ZC4H2: variants seen among roughly 807,000 people sequenced by gnomAD.
The protein encoded by ZC4H2 is zinc finger C4H2 domain-containing protein.
For synonymous variants in ZC4H2, 84 were observed against 66.3 expected (o/e 1.27, Z -1.30); for missense variants, 137 against 173.9 (o/e 0.79, Z 1.19).
intron 1 of ZC4H2, among the ~76,000 whole-genome samples, chrX:64,995,651 C>T (rs1013127242): frequency 1.1e-4 from 12 of 112,518 alleles, no homozygotes; most frequent in Non-Finnish European, 2.1e-4. Context: ...TGAGCCACCA[C>T]ATCAGGCCTT....
intron 1 of ZC4H2, among the ~76,000 whole-genome samples, chrX:64,996,890 GA>G (rs780900790): frequency 2.7e-5 from 3 of 111,027 alleles, no homozygotes; most frequent in Non-Finnish European, 5.7e-5. Context: ...GGGAATCCTA[GA>G]ACGAAAAAAG....
chrX:65,012,238 A>AG (rs1279829787), intron 1 of ZC4H2, among the ~76,000 whole-genome samples: 1 of 106,144 alleles, frequency 9.4e-6, no homozygotes, highest in Non-Finnish European at 1.9e-5. Context: ...AAAAAAAAAA[A>AG]AAAAAAAAGA....
chrX:64,953,672 G>A (rs1311343858), intron 1 of ZC4H2, among the ~76,000 whole-genome samples: 2 of 111,691 alleles, frequency 1.8e-5, no homozygotes, highest in African/African-American at 3.3e-5. Flanking sequence ...GGAACAAAGG[G>A]TGCTGGAGAG....
chrX:64,968,157 C>A (rs1931653372), intron 1 of ZC4H2, among the ~76,000 whole-genome samples: 1 of 111,780 alleles, frequency 8.9e-6, no homozygotes, highest in African/African-American at 3.3e-5. Context: ...CTACTATGTT[C>A]CAGCAACTGT....
intron 1 of ZC4H2, among the ~76,000 whole-genome samples, chrX:64,983,959 G>T (rs1016704841): frequency 7.2e-5 from 8 of 111,175 alleles, no homozygotes; most frequent in Non-Finnish European, 1.5e-4. Flanking sequence ...TTTTAGATTT[G>T]GGGGTACATG....
upstream of ZC4H2, among the ~76,000 whole-genome samples, chrX:64,978,048 ACTCT>A (rs1200085075): frequency 3.6e-5 from 4 of 110,597 alleles, no homozygotes; most frequent in Admixed American, 9.6e-5. Context: ...GTGAGTCAGA[ACTCT>A]CTCTGAGTTT....
chrX:64,923,516 C>T (rs1452445258), intron 1 of ZC4H2, among the ~76,000 whole-genome samples: 1 of 109,948 alleles, frequency 9.1e-6, no homozygotes, highest in African/African-American at 3.3e-5. Context: ...TGGCTTCTGC[C>T]ATCAGCCTGC....
At chrX:64,938,142 G>T (rs1602397356) in intron 1 of ZC4H2, among the ~76,000 whole-genome samples, 1 of 112,084 alleles carries the variant, frequency 8.9e-6, no homozygotes, top group East Asian at 2.8e-4. Flanking sequence ...TATCATCAGA[G>T]AATACTATGA....
At chrX:64,957,178 G>A (rs937320156) in intron 1 of ZC4H2, among the ~76,000 whole-genome samples, 2 of 112,105 alleles carry the variant, frequency 1.8e-5, no homozygotes, top group African/African-American at 6.5e-5. Flanking sequence ...CACTGCTGAG[G>A]GTTCAAACTG....
chrX:64,987,729 A>T (rs1932218478), intron 1 of ZC4H2, among the ~76,000 whole-genome samples: 1 of 109,234 alleles, frequency 9.2e-6, no homozygotes, highest in African/African-American at 3.3e-5. Flanking sequence ...TCACCTCTGA[A>T]TTCTTTTTTT....
intron 1 of ZC4H2, among the ~76,000 whole-genome samples, chrX:64,993,329 G>C (rs1383078411): frequency 9.0e-6 from 1 of 111,561 alleles, no homozygotes. Context: ...TGTGTTGTCT[G>C]ATTTATTGAT....
chrX:64,920,974 G>T (rs1258444483), intron 2 of ZC4H2, among the ~76,000 whole-genome samples: 1 of 111,949 alleles, frequency 8.9e-6, no homozygotes, highest in East Asian at 2.8e-4. Context: ...CTGTATCATT[G>T]GTTAGCTGGC....
chrX:64,924,678 T>C (rs1173541104), intron 1 of ZC4H2, among the ~76,000 whole-genome samples: 1 of 111,374 alleles, frequency 9.0e-6, no homozygotes, highest in African/African-American at 3.3e-5. Flanking sequence ...AGTTCGCTGG[T>C]GAGTGCAGGT....
chrX:64,974,973 CAAAAA>C (rs58569761), intron 1 of ZC4H2, among the ~76,000 whole-genome samples: 3 of 35,862 alleles, frequency 8.4e-5, no homozygotes, highest in African/African-American at 1.5e-4. Context: ...ATGCTTTTGC[CAAAAA>C]AAAAAAAAAA....
At chrX:64,930,955 G>A (rs5964883) in intron 1 of ZC4H2, among the ~76,000 whole-genome samples, 15,709 of 111,525 alleles carry the variant, frequency 0.14, 2,646 homozygotes, top group African/African-American at 0.48. Context: ...TTATTTGAAT[G>A]TCTGATAGAA....
intron 1 of ZC4H2, among the ~76,000 whole-genome samples, chrX:65,019,874 G>T (rs1251927655): frequency 8.9e-6 from 1 of 111,956 alleles, no homozygotes; most frequent in Non-Finnish European, 1.9e-5. Context: ...CACAGCACAA[G>T]AACTTCATGA....
At chrX:64,975,267 C>G (rs1368366914) in intron 1 of ZC4H2, among the ~76,000 whole-genome samples, 1 of 111,027 alleles carries the variant, frequency 9.0e-6, no homozygotes, top group East Asian at 2.9e-4. Flanking sequence ...CTTCCTTTAC[C>G]TCTCCTGTAG....
chrX:64,954,622 T>C (rs1459617374), intron 1 of ZC4H2, among the ~76,000 whole-genome samples: 1 of 106,252 alleles, frequency 9.4e-6, no homozygotes, highest in Non-Finnish European at 1.9e-5. Flanking sequence ...TCCTAGAATA[T>C]GGTGTCTTTT....
intron 1 of ZC4H2, among the ~76,000 whole-genome samples, chrX:64,974,431 T>A (rs918804193): frequency 2.7e-5 from 3 of 112,269 alleles, no homozygotes; most frequent in Admixed American, 9.4e-5. Flanking sequence ...AGTATTGGCA[T>A]CTGTTTATTT....
Sources: gnomAD v4.1 joint callset for allele counts (sites outside exome capture counted in the v4.1 genomes callset) on GRCh38, gnomAD v4.1.1 for gene constraint, MANE v1.5 for transcripts, NCBI Gene and HGNC (gene_info 2026-07-23, HGNC 2026-07-21) for gene names.